ESRRG: variants seen among roughly 807,000 people sequenced by gnomAD.
ESRRG encodes estrogen related receptor gamma.
In ESRRG, 13 loss-of-function variants were observed where a neutral mutation model predicts 44.0. That is an observed-to-expected ratio of 0.30 (90% CI 0.19 to 0.47). The LOEUF (loss-of-function observed/expected upper bound fraction) is 0.47. Ranked by LOEUF, ESRRG falls within the 20% of genes least tolerant of loss-of-function variation. The probability of loss-of-function intolerance (pLI) is 1.00; values close to 1 mark genes in which losing one functional copy is unlikely to be tolerated. For missense variants in ESRRG, 395 were observed against 580.6 expected, an observed-to-expected ratio of 0.68 and a Z score of 3.29; for synonymous variants, 215 against 214.6, an observed-to-expected ratio of 1.00 and a Z score of -0.02.
intron 3 of ESRRG, among the ~76,000 whole-genome samples, chr1:216,637,145 C>T (rs1558951217): frequency 1.3e-5 from 2 of 152,104 alleles, no homozygotes; most frequent in Middle Eastern, 3.2e-3. Flanking sequence ...GACAGCCTCT[C>T]GGGGACAGAC....
chr1:216,671,776 C>G (rs2075229296), intron 2 of ESRRG, among the ~76,000 whole-genome samples: 2 of 152,102 alleles, frequency 1.3e-5, no homozygotes, highest in African/African-American at 4.8e-5. Flanking sequence ...TACTTTATTT[C>G]TAGCACTATA....
intron 1 of ESRRG, among the ~76,000 whole-genome samples, chr1:216,957,686 A>T (rs2068215421): frequency 6.6e-6 from 1 of 152,164 alleles, no homozygotes; most frequent in Admixed American, 6.6e-5. Flanking sequence ...GGGCAACAGC[A>T]TCCCGACTGG....
chr1:216,903,207 T>C (rs1330585363), intron 2 of ESRRG, among the ~76,000 whole-genome samples: 1 of 152,180 alleles, frequency 6.6e-6, no homozygotes. Flanking sequence ...CTGCCAGTGC[T>C]ACATAATGCT....
intron 2 of ESRRG, among the ~76,000 whole-genome samples, chr1:216,861,186 CA>C (rs915020518): frequency 6.7e-6 from 1 of 150,204 alleles, no homozygotes; most frequent in African/African-American, 2.4e-5. Flanking sequence ...AGAAAGAAAA[CA>C]AAAAAATGAA....
In ESRRG at chr1:217,081,221, CTTTTTT is replaced by C. The variant is rs143325476; in HGVS notation, c.-106+8280_-106+8285del. On this transcript the variant is annotated intron_variant, in intron 1 of 7. Transcript: ENST00000359162. ...TCAGTGAATTATAGATAAAAATATT[CTTTTTT>C]TTTTTTTTTTTTTTTTTGAGACAGA... is the stretch of plus-strand genomic sequence containing the variant. Among the ~76,000 whole-genome samples the C allele has an allele frequency of 2.7e-4, 19 of 70,416 alleles. No individual in the cohort carries two copies. In the South Asian group the frequency reaches 0.011, roughly 42 times the overall value. 46.2% of individuals were successfully genotyped at this position (70,416 alleles called of 152,430 possible).
chr1:216,595,078 T>A (rs1047903492), intron 3 of ESRRG, among the ~76,000 whole-genome samples: 2 of 152,232 alleles, frequency 1.3e-5, no homozygotes, highest in Non-Finnish European at 1.5e-5. Context: ...GCAGGAAATC[T>A]ATCTCCCTTG....
chr1:216,835,507 G>A (rs7537081), intron 2 of ESRRG, among the ~76,000 whole-genome samples: 64,114 of 151,710 alleles, frequency 0.42, 14,829 homozygotes, highest in African/African-American at 0.62. Context: ...TAGGTTCTCA[G>A]TCTCATCTAC....
chr1:216,914,876 C>A (rs1214198280), intron 2 of ESRRG, among the ~76,000 whole-genome samples: 1 of 152,180 alleles, frequency 6.6e-6, no homozygotes, highest in African/African-American at 2.4e-5. Flanking sequence ...TACCCTTTAC[C>A]TCTTTCCTTA....
chr1:216,995,480 C>G (rs1447256852), intron 1 of ESRRG, among the ~76,000 whole-genome samples: 1 of 152,210 alleles, frequency 6.6e-6, no homozygotes. Flanking sequence ...CCCCTGTGGG[C>G]TCCTTCATTG....
chr1:216,804,781 C>T (rs1021334538), intron 2 of ESRRG, among the ~76,000 whole-genome samples: 2 of 151,980 alleles, frequency 1.3e-5, no homozygotes, highest in Non-Finnish European at 2.9e-5. Flanking sequence ...CACATACCCC[C>T]CTTCCCCAAC....
At chr1:216,929,399 G>A (rs2063025169) in intron 2 of ESRRG, among the ~76,000 whole-genome samples, 1 of 152,130 alleles carries the variant, frequency 6.6e-6, no homozygotes, top group African/African-American at 2.4e-5. Context: ...CCATCAAAAA[G>A]GCAATACATC....
chr1:217,058,666 T>C (rs932192971), intron 1 of ESRRG, among the ~76,000 whole-genome samples: 1 of 152,082 alleles, frequency 6.6e-6, no homozygotes, highest in African/African-American at 2.4e-5. Context: ...ATTAGTATTG[T>C]CCTCCTGAGA....
intron 2 of ESRRG, among the ~76,000 whole-genome samples, chr1:216,733,290 T>C (rs2089240499): frequency 6.6e-6 from 1 of 150,796 alleles, no homozygotes; most frequent in African/African-American, 2.4e-5. Flanking sequence ...CTTTGGGGCC[T>C]GGGTATGTTA....
intron 1 of ESRRG, among the ~76,000 whole-genome samples, chr1:216,702,776 C>CAA (rs5780911): frequency 0.071 from 6,783 of 94,924 alleles, 570 homozygotes; most frequent in African/African-American, 0.2. Context: ...GACTCTGCCT[C>CAA]AAAAAAAAAA....
At chr1:216,666,578 CTTTG>C (rs982291995) in intron 2 of ESRRG, among the ~76,000 whole-genome samples, 4 of 152,118 alleles carry the variant, frequency 2.6e-5, no homozygotes, top group Non-Finnish European at 4.4e-5. Context: ...GCACTCATGT[CTTTG>C]TTTGGGAGTT....
chr1:216,796,869 T>G (rs1420568972), intron 2 of ESRRG, among the ~76,000 whole-genome samples: 1 of 152,078 alleles, frequency 6.6e-6, no homozygotes, highest in Admixed American at 6.6e-5. Context: ...AAAAATAAAC[T>G]TCCTTTATTT....
At chr1:216,590,029 A>T (rs1393605185) in intron 3 of ESRRG, among the ~76,000 whole-genome samples, 1 of 151,800 alleles carries the variant, frequency 6.6e-6, no homozygotes, top group African/African-American at 2.4e-5. Context: ...TTACTGCAAG[A>T]TAATAAAACT....
At chr1:216,805,484 T>A (rs2094759594) in intron 2 of ESRRG, 1 of 152,200 alleles carries the variant, frequency 6.6e-6, no homozygotes, top group Non-Finnish European at 1.5e-5. Flanking sequence ...CACGATACCA[T>A]GAACCTATGT....
intron 2 of ESRRG, among the ~76,000 whole-genome samples, chr1:216,929,239 T>G (rs1418197838): frequency 6.7e-6 from 1 of 149,046 alleles, no homozygotes; most frequent in Non-Finnish European, 1.5e-5. Context: ...TAAAAGTTGG[T>G]CACTCAAATT....
Sources: gnomAD v4.1 joint callset for allele counts (sites outside exome capture counted in the v4.1 genomes callset) on GRCh38, gnomAD v4.1.1 for gene constraint, MANE v1.5 for transcripts, NCBI Gene and HGNC (gene_info 2026-07-23, HGNC 2026-07-21) for gene names.